Variants in ST3GAL3 observed in about 807,000 individuals in gnomAD.
The protein encoded by ST3GAL3 is CMP-N-acetylneuraminate-beta-1,4-galactoside alpha-2,3-sialyltransferase.
ST3GAL3 carries 21 observed loss-of-function variants against 50.1 expected under a neutral mutation model. The observed-to-expected ratio is 0.42, with a 90% CI of 0.30 to 0.60. ST3GAL3 has a LOEUF of 0.60. Ranked by LOEUF, ST3GAL3 falls within the 20% of genes least tolerant of loss-of-function variation. The probability of loss-of-function intolerance (pLI) is 0.19; values close to 1 mark genes in which losing one functional copy is unlikely to be tolerated. For synonymous variants in ST3GAL3, 183 were observed against 190.0 expected (o/e 0.96, Z 0.30); for missense variants, 353 against 489.4 (o/e 0.72, Z 2.63).
intron 5 of ST3GAL3, 153 bp downstream of exon 5, chr1:43,838,464 A>G (rs2064805691): frequency 5.5e-6 from 4 of 723,896 alleles, no homozygotes; most frequent in South Asian, 2.8e-5. Flanking sequence ...TTCCTACTCC[A>G]GTCCTACTCC....
intron 11 of ST3GAL3, 192 bp from the exon 12 acceptor site, chr1:43,929,940 G>T: frequency 2.7e-6 from 2 of 743,484 alleles, no homozygotes; most frequent in South Asian, 1.4e-5. Context: ...TGGGAAGGGA[G>T]GAGGATGAGC....
At chr1:43,790,935 C>T (rs2058001249) in intron 2 of ST3GAL3, among the ~76,000 whole-genome samples, 1 of 152,124 alleles carries the variant, frequency 6.6e-6, no homozygotes, top group African/African-American at 2.4e-5. Flanking sequence ...TGCACCCGGC[C>T]GGCATCTCTT....
chr1:43,827,857 A>G (rs2063028365), intron 4 of ST3GAL3, among the ~76,000 whole-genome samples: 1 of 152,146 alleles, frequency 6.6e-6, no homozygotes, highest in African/African-American at 2.4e-5. Flanking sequence ...TATAAATTCA[A>G]TGTAATCAGA....
At position 43,899,350 on chromosome 1, in the gene ST3GAL3, T is replaced by C. The variant is rs2077887151; in HGVS notation, c.557+87T>C. ...CATTGAGAACTGTCTGTCTGGCTAG[T>C]TGGGCTGGAGGTCAACGGAAGCCTC... is the stretch of plus-strand genomic sequence containing the variant. On this transcript the variant is annotated intron_variant, in intron 8 of 11. Coordinates refer to ENST00000347631, the MANE Select transcript of ST3GAL3 (RefSeq NM_006279.5). The surrounding 1 kb of genome is among the most constrained non-coding windows in gnomAD (Gnocchi z 5.4). The C allele has an allele frequency of 6.2e-7, 1 of 1,610,666 alleles. No individual in the cohort carries two copies. The highest frequency in any genetic ancestry group is 2.2e-5 in the East Asian group (1 of 44,730).
At chr1:43,791,148 C>G (rs12122504) in intron 2 of ST3GAL3, among the ~76,000 whole-genome samples, 54,922 of 152,040 alleles carry the variant, frequency 0.36, 10,627 homozygotes, top group East Asian at 0.55. Flanking sequence ...TCAAGCGTCA[C>G]TTCTTCAGAG....
intron 1 of ST3GAL3, among the ~76,000 whole-genome samples, chr1:43,724,276 T>A (rs998198512): frequency 1.8e-4 from 27 of 152,146 alleles, no homozygotes; most frequent in African/African-American, 6.0e-4. Flanking sequence ...AGTGGTGCAA[T>A]CTCAGCTAAC....
intron 5 of ST3GAL3, among the ~76,000 whole-genome samples, chr1:43,892,419 A>T (rs1182580701): frequency 6.6e-6 from 1 of 152,200 alleles, no homozygotes; most frequent in Non-Finnish European, 1.5e-5. Context: ...TAGCAGGAGA[A>T]AGGCAGTCTA....
intron 1 of ST3GAL3, among the ~76,000 whole-genome samples, chr1:43,721,189 G>A (rs1289095505): frequency 2.7e-5 from 4 of 150,896 alleles, no homozygotes. Context: ...AGGCTGCAGT[G>A]TGATATGATC....
At chr1:43,762,936 G>A (rs1691102695) in intron 2 of ST3GAL3, among the ~76,000 whole-genome samples, 1 of 152,098 alleles carries the variant, frequency 6.6e-6, no homozygotes, top group Non-Finnish European at 1.5e-5. Flanking sequence ...ACAGATAGGA[G>A]GGAAAACCAA....
chr1:43,907,960 A>T (rs1443577430), intron 9 of ST3GAL3, among the ~76,000 whole-genome samples: 1 of 151,980 alleles, frequency 6.6e-6, no homozygotes, highest in East Asian at 1.9e-4. Flanking sequence ...AGCCACTCTC[A>T]CCTGGCAGTG....
chr1:43,801,214 G>C, intron 3 of ST3GAL3: 2 of 453,066 alleles, frequency 4.4e-6, no homozygotes, highest in South Asian at 3.1e-5. Flanking sequence ...CCTTAAATTG[G>C]TGTTCATGGG....
At chr1:43,817,741 CTCCTTCT>C (rs2061551263) in intron 4 of ST3GAL3, among the ~76,000 whole-genome samples, 1 of 84,512 alleles carries the variant, frequency 1.2e-5, no homozygotes, top group African/African-American at 4.2e-5. Flanking sequence ...CCCCCTCCTC[CTCCTTCT>C]TCCTCCTCTT....
chr1:43,863,079 G>C (rs1330528223), intron 5 of ST3GAL3, among the ~76,000 whole-genome samples: 1 of 152,184 alleles, frequency 6.6e-6, no homozygotes, highest in East Asian at 1.9e-4. Context: ...ATCAAGTGCT[G>C]GGCACTGTGT....
At chr1:43,886,455 T>C (rs1429241865) in intron 5 of ST3GAL3, among the ~76,000 whole-genome samples, 2 of 152,228 alleles carry the variant, frequency 1.3e-5, no homozygotes, top group African/African-American at 4.8e-5. Flanking sequence ...CAATACATTA[T>C]ATGTATCACA....
chr1:43,709,850 AAAAG>A (rs767101443), intron 1 of ST3GAL3, among the ~76,000 whole-genome samples: 13 of 152,156 alleles, frequency 8.5e-5, no homozygotes, highest in East Asian at 1.9e-4. Flanking sequence ...TCGGTCAAAA[AAAAG>A]AAAGAAAGAA....
chr1:43,893,554 G>A (rs557397992), intron 5 of ST3GAL3, among the ~76,000 whole-genome samples: 23 of 152,034 alleles, frequency 1.5e-4, no homozygotes, highest in East Asian at 5.8e-4. Flanking sequence ...TTCAGACTTC[G>A]TCTCCTCCTC....
At position 43,917,473 on chromosome 1, in the gene ST3GAL3, AATATATATAATATATAAT is replaced by A. The variant is rs1298181321; in HGVS notation, c.745-2923_745-2906del. On this transcript the variant is annotated intron_variant, in intron 9 of 11. Transcript: ENST00000347631. ...ATAATATATAATATATATAATATAT[AATATATATAATATATAAT>A]ATATATAATATATTATATAATATAA... is the stretch of plus-strand genomic sequence containing the variant. 1.0e-3 allele frequency among the ~76,000 whole-genome samples: 86 copies of A among 82,720 alleles called. 1 individual carries two copies. The highest frequency in any genetic ancestry group is 3.0e-3 in the South Asian group (9 of 3,022). 54.3% of individuals were successfully genotyped at this position (82,720 alleles called of 152,430 possible). A position where few individuals can be genotyped will look rare whatever the true frequency, so the allele number is the denominator to read the frequency against.
chr1:43,844,193 C>T (rs2065865219), intron 5 of ST3GAL3, among the ~76,000 whole-genome samples: 1 of 152,180 alleles, frequency 6.6e-6, no homozygotes, highest in Non-Finnish European at 1.5e-5. Flanking sequence ...ATGGAGGCTT[C>T]TATAAACCCT....
chr1:43,710,325 GC>G (rs1664040829), intron 1 of ST3GAL3, among the ~76,000 whole-genome samples: 1 of 151,876 alleles, frequency 6.6e-6, no homozygotes, highest in African/African-American at 2.4e-5. Context: ...CAAGTGATCT[GC>G]CCACCTTAGC....
Sources: gnomAD v4.1 joint callset for allele counts (sites outside exome capture counted in the v4.1 genomes callset) on GRCh38, gnomAD v4.1.1 for gene constraint, Gnocchi (gnomAD v3.1) non-coding constraint, MANE v1.5 for transcripts, NCBI Gene and HGNC (gene_info 2026-07-23, HGNC 2026-07-21) for gene names.